KCNQ5: variants seen among roughly 807,000 people sequenced by gnomAD.
The protein encoded by KCNQ5 is potassium voltage-gated channel subfamily Q member 5.
In KCNQ5, 30 loss-of-function variants were observed where a neutral mutation model predicts 98.2. The ratio of observed to expected loss-of-function variants is 0.31; its 90% CI spans 0.23 to 0.41. The LOEUF (loss-of-function observed/expected upper bound fraction) is 0.41. Among genes scored for constraint, KCNQ5 ranks in the 10% least tolerant of loss-of-function variants. KCNQ5 has a pLI of 1.00. For synonymous variants in KCNQ5, 458 were observed against 449.4 expected (o/e 1.02, Z -0.24); for missense variants, 835 against 1,182.5 (o/e 0.71, Z 4.31).
chr6:72,941,021 G>A (rs79169559), intron 1 of KCNQ5, among the ~76,000 whole-genome samples: 2,000 of 152,156 alleles, frequency 0.013, 51 homozygotes, highest in African/African-American at 0.046. Context: ...CATTAGTGTC[G>A]AGTGGGGTCT....
At chr6:73,060,192 C>T (rs1192172050) in intron 3 of KCNQ5, among the ~76,000 whole-genome samples, 5 of 152,006 alleles carry the variant, frequency 3.3e-5, no homozygotes, top group Non-Finnish European at 7.4e-5. Flanking sequence ...TCTAAGACTA[C>T]TTTTCCTCCA....
chr6:73,046,648 A>ATTTTG (rs1421466645), intron 3 of KCNQ5, among the ~76,000 whole-genome samples: 1 of 145,628 alleles, frequency 6.9e-6, no homozygotes, highest in African/African-American at 2.5e-5. Flanking sequence ...ATTTTATTTT[A>ATTTTG]TTTTATTTTT....
At chr6:72,691,748 A>G (rs952793202) in intron 1 of KCNQ5, among the ~76,000 whole-genome samples, 2 of 152,208 alleles carry the variant, frequency 1.3e-5, no homozygotes, top group African/African-American at 4.8e-5. Context: ...ATAGCTGGAA[A>G]ATTAACATTG....
In KCNQ5 at chr6:73,025,330, A is replaced by C. The variant is rs192807318; in HGVS notation, c.490-16606A>C. On this transcript the variant is annotated intron_variant, in intron 2 of 13. Transcript: ENST00000370398. ...CAAGCATTCTACAAACTTATAAATA[A>C]AAACACTTCAGCCGGGAGAGGTGGC... Among the ~76,000 whole-genome samples the C allele has an allele frequency of 1.3e-3, 203 of 152,294 alleles. 1 individual carries two copies. The highest frequency in any genetic ancestry group is 4.8e-3 in the African/African-American group (200 of 41,568).
At chr6:72,728,176 CA>C (rs1208504926) in intron 1 of KCNQ5, among the ~76,000 whole-genome samples, 1 of 152,096 alleles carries the variant, frequency 6.6e-6, no homozygotes, top group Non-Finnish European at 1.5e-5. Flanking sequence ...GTATTAGAAA[CA>C]ATAATGCAAT....
chr6:72,746,230 A>AC (rs1369015570), intron 1 of KCNQ5, among the ~76,000 whole-genome samples: 1 of 143,008 alleles, frequency 7.0e-6, no homozygotes, highest in East Asian at 1.9e-4. Flanking sequence ...TCTGTGGGAT[A>AC]CTTCCCCTCC....
intron 11 of KCNQ5, among the ~76,000 whole-genome samples, chr6:73,184,920 C>G (rs1332411279): frequency 6.6e-6 from 1 of 152,064 alleles, no homozygotes; most frequent in Non-Finnish European, 1.5e-5. Flanking sequence ...CATTCACTAC[C>G]CTCTTCCTTC....
intron 10 of KCNQ5, among the ~76,000 whole-genome samples, chr6:73,166,576 C>G (rs1030388512): frequency 3.3e-5 from 5 of 151,062 alleles, no homozygotes; most frequent in Non-Finnish European, 5.9e-5. Context: ...GAATTGGAAG[C>G]CATCAGGGAA....
chr6:72,677,746 T>G (rs1008301217), intron 1 of KCNQ5, among the ~76,000 whole-genome samples: 1 of 152,224 alleles, frequency 6.6e-6, no homozygotes, highest in Non-Finnish European at 1.5e-5. Context: ...CAAAACATAC[T>G]AAGTACCTAG....
chr6:72,933,453 G>C (rs1765774204), intron 1 of KCNQ5, among the ~76,000 whole-genome samples: 2 of 152,128 alleles, frequency 1.3e-5, no homozygotes. Flanking sequence ...GGGAGGTTAG[G>C]AGGCAGCACC....
At chr6:72,741,837 A>T (rs771506240) in intron 1 of KCNQ5, among the ~76,000 whole-genome samples, 2 of 152,222 alleles carry the variant, frequency 1.3e-5, no homozygotes, top group Non-Finnish European at 2.9e-5. Flanking sequence ...GTCTTTTCTT[A>T]AGAATATGTT....
At chr6:73,012,663 A>G (rs1770125595) in intron 2 of KCNQ5, among the ~76,000 whole-genome samples, 1 of 152,060 alleles carries the variant, frequency 6.6e-6, no homozygotes, top group Admixed American at 6.6e-5. Context: ...AAAATTGAGA[A>G]AAATCTTTTA....
At position 72,622,632 on chromosome 6, in the gene KCNQ5, G is replaced by A; in HGVS notation, c.398+45G>A. 6.2e-7 allele frequency: 1 copy of A among 1,604,742 alleles called. No individual in the cohort carries two copies. Among genetic ancestry groups the A allele is most frequent in the East Asian group, 2.3e-5 (1 of 44,392 alleles). ...GCTATGCCCGCTGCAGGGGACCACTGTCCCTGGCCCCCTGGGGCGTGCTCC... is the reference window on the plus strand; with the variant it reads ...GCTATGCCCGCTGCAGGGGACCACTATCCCTGGCCCCCTGGGGCGTGCTCC... On this transcript the variant is annotated intron_variant, in intron 1 of 13. Coordinates refer to ENST00000370398, the MANE Select transcript of KCNQ5 (RefSeq NM_019842.4). This position sits in a 1 kb window ranked among gnomAD's most constrained non-coding sequence, Gnocchi z 6.0.
chr6:73,007,446 G>A (rs937015023), intron 2 of KCNQ5, among the ~76,000 whole-genome samples: 3 of 152,170 alleles, frequency 2.0e-5, no homozygotes, highest in Non-Finnish European at 4.4e-5. Flanking sequence ...AGACAGAGTA[G>A]GAATCACCAG....
chr6:72,850,914 A>G (rs1026838764), intron 1 of KCNQ5, among the ~76,000 whole-genome samples: 8 of 152,168 alleles, frequency 5.3e-5, no homozygotes, highest in African/African-American at 1.9e-4. Flanking sequence ...TTCATTATAC[A>G]TTTATAAAAA....
At chr6:73,132,084 G>A (rs1472583343) in intron 9 of KCNQ5, among the ~76,000 whole-genome samples, 1 of 152,212 alleles carries the variant, frequency 6.6e-6, no homozygotes, top group Non-Finnish European at 1.5e-5. Flanking sequence ...AAATGTTACT[G>A]TTTCTTGTTA....
chr6:72,752,874 G>A (rs1010175131), intron 1 of KCNQ5, among the ~76,000 whole-genome samples: 9 of 152,056 alleles, frequency 5.9e-5, no homozygotes, highest in African/African-American at 1.9e-4. Context: ...CAGTAACAAA[G>A]GACAGGAAGT....
intron 1 of KCNQ5, among the ~76,000 whole-genome samples, chr6:73,001,727 T>C (rs991851035): frequency 6.6e-6 from 1 of 152,218 alleles, no homozygotes; most frequent in African/African-American, 2.4e-5. Context: ...TTTTACTTTC[T>C]CATTTATAGT....
At position 73,125,328 on chromosome 6, in the gene KCNQ5, A is replaced by T. The variant is rs1222868056; in HGVS notation, c.1247+816A>T. ...TTGATCTGTGTTAATGAGTACCAGG[A>T]AGTGCCTAGATTTGAGAGCAAAGCC... On this transcript the variant is annotated intron_variant, in intron 9 of 13. Transcript: ENST00000370398. 5 of 491,284 alleles carry T rather than the reference A, an allele frequency of 1.0e-5. No individual in the cohort carries two copies. In the East Asian group the frequency reaches 2.3e-4, roughly 22 times the overall value. 30.4% of individuals were successfully genotyped at this position (491,284 alleles called of 1,614,324 possible).
Sources: gnomAD v4.1 joint callset for allele counts (sites outside exome capture counted in the v4.1 genomes callset) on GRCh38, gnomAD v4.1.1 for gene constraint, Gnocchi (gnomAD v3.1) non-coding constraint, MANE v1.5 for transcripts, NCBI Gene and HGNC (gene_info 2026-07-23, HGNC 2026-07-21) for gene names.